The following RSU1 variants were observed in gnomAD, a reference collection of about 807,000 sequenced individuals.
The protein encoded by RSU1 is Ras suppressor protein 1.
A neutral mutation model predicts 31.1 loss-of-function variants in RSU1; 26 were observed. That is an observed-to-expected ratio of 0.84 (90% CI 0.61 to 1.16). The LOEUF is 1.16. RSU1 is among the 50% of genes most tolerant of loss of function. RSU1 has a pLI of 0.00. For missense variants in RSU1, 320 were observed against 339.1 expected (o/e 0.94, Z 0.44); for synonymous variants, 164 against 136.3 (o/e 1.20, Z -1.41).
intron 8 of RSU1, among the ~76,000 whole-genome samples, chr10:16,674,329 T>A (rs1588707534): frequency 6.6e-6 from 1 of 151,056 alleles, no homozygotes; most frequent in African/African-American, 2.4e-5. Context: ...AGTAATAATA[T>A]GAAATCTGAG....
intron 7 of RSU1, among the ~76,000 whole-genome samples, chr10:16,738,505 C>A (rs1287421501): frequency 6.6e-6 from 1 of 151,950 alleles, no homozygotes; most frequent in African/African-American, 2.4e-5. Context: ...CCTAAACAAG[C>A]TAGAAAAATC....
intron 8 of RSU1, among the ~76,000 whole-genome samples, chr10:16,692,130 A>G (rs748424643): frequency 2.0e-5 from 3 of 152,192 alleles, no homozygotes; most frequent in Non-Finnish European, 4.4e-5. Context: ...TGAAACAGAA[A>G]AAGTTAGCAG....
At chr10:16,809,850 T>C (rs769239843) in intron 2 of RSU1, among the ~76,000 whole-genome samples, 15 of 152,218 alleles carry the variant, frequency 9.9e-5, no homozygotes, top group Non-Finnish European at 5.9e-5. Context: ...GGTGAAAATA[T>C]AACTACTTCA....
At chr10:16,780,304 C>A (rs1837625382) in intron 3 of RSU1, among the ~76,000 whole-genome samples, 1 of 152,200 alleles carries the variant, frequency 6.6e-6, no homozygotes, top group Non-Finnish European at 1.5e-5. Context: ...GTCGTCCAGG[C>A]TGCAGAGCAG....
intron 8 of RSU1, among the ~76,000 whole-genome samples, chr10:16,607,420 G>C (rs1833822869): frequency 6.6e-6 from 1 of 152,194 alleles, no homozygotes; most frequent in South Asian, 2.1e-4. Flanking sequence ...TCTAAGTTCA[G>C]GCCTATAGGT....
intron 8 of RSU1, among the ~76,000 whole-genome samples, chr10:16,659,408 A>G (rs1318917256): frequency 6.6e-6 from 1 of 151,270 alleles, no homozygotes; most frequent in Non-Finnish European, 1.5e-5. Context: ...ATATACCTGG[A>G]ACCGATTTTT....
At chr10:16,659,785 T>C (rs1304814272) in intron 8 of RSU1, among the ~76,000 whole-genome samples, 1 of 152,250 alleles carries the variant, frequency 6.6e-6, no homozygotes, top group East Asian at 1.9e-4. Flanking sequence ...CAATTTGAAC[T>C]CTTTTCTTAC....
intron 2 of RSU1, among the ~76,000 whole-genome samples, chr10:16,792,426 T>A (rs1837942598): frequency 6.6e-6 from 1 of 151,952 alleles, no homozygotes; most frequent in Admixed American, 6.6e-5. Context: ...AGAGACGGGG[T>A]TTCATTACGT....
At chr10:16,607,804 G>A (rs1489024749) in intron 8 of RSU1, among the ~76,000 whole-genome samples, 1 of 152,162 alleles carries the variant, frequency 6.6e-6, no homozygotes, top group Non-Finnish European at 1.5e-5. Flanking sequence ...AAACTCTACA[G>A]GGCTTGTACC....
At chr10:16,768,397 C>T (rs1457531989) in intron 3 of RSU1, among the ~76,000 whole-genome samples, 1 of 152,200 alleles carries the variant, frequency 6.6e-6, no homozygotes, top group Non-Finnish European at 1.5e-5. Context: ...TGTAGAACTT[C>T]GCTTCTGACA....
chr10:16,774,099 TA>T (rs55846639), intron 3 of RSU1, among the ~76,000 whole-genome samples: 3,022 of 144,370 alleles, frequency 0.021, 66 homozygotes, highest in East Asian at 0.084. Flanking sequence ...GGTATTCCGT[TA>T]AAAAAAAAAA....
intron 8 of RSU1, among the ~76,000 whole-genome samples, chr10:16,614,648 A>G (rs1833945450): frequency 6.6e-6 from 1 of 152,208 alleles, no homozygotes; most frequent in African/African-American, 2.4e-5. Context: ...TGTACCCACA[A>G]AAATTAAAAA....
At chr10:16,719,933 G>A (rs1018516969) in intron 7 of RSU1, among the ~76,000 whole-genome samples, 1 of 152,204 alleles carries the variant, frequency 6.6e-6, no homozygotes, top group Non-Finnish European at 1.5e-5. Context: ...CATGCTTTAT[G>A]TATATAATCT....
chr10:16,656,458 T>C (rs1040175312), intron 8 of RSU1, among the ~76,000 whole-genome samples: 5 of 152,216 alleles, frequency 3.3e-5, no homozygotes, highest in African/African-American at 9.6e-5. Context: ...TAAGTTTTTG[T>C]TTGCTTGTTT....
intron 8 of RSU1, among the ~76,000 whole-genome samples, chr10:16,683,183 G>GTT (rs1554766315): frequency 6.6e-6 from 1 of 151,300 alleles, no homozygotes; most frequent in Non-Finnish European, 1.5e-5. Context: ...GTGTGTGTGT[G>GTT]TTGTGGTAGG....
chr10:16,677,868 C>T (rs1835261799), intron 8 of RSU1, among the ~76,000 whole-genome samples: 1 of 152,148 alleles, frequency 6.6e-6, no homozygotes, highest in Non-Finnish European at 1.5e-5. Context: ...TAAAAGATCA[C>T]ACCACTCACG....
chr10:16,716,197 A>G (rs1836136814), intron 7 of RSU1, among the ~76,000 whole-genome samples: 2 of 152,228 alleles, frequency 1.3e-5, no homozygotes, highest in African/African-American at 4.8e-5. Flanking sequence ...GGGTCTAGAT[A>G]GGGCATCAGA....
At chr10:16,688,507 G>T (rs1835479749) in intron 8 of RSU1, among the ~76,000 whole-genome samples, 1 of 152,188 alleles carries the variant, frequency 6.6e-6, no homozygotes, top group Admixed American at 6.5e-5. Context: ...CACTCGGGAG[G>T]CTGAGGCAGG....
At chr10:16,667,007 C>A (rs554834910) in intron 8 of RSU1, among the ~76,000 whole-genome samples, 14 of 150,404 alleles carry the variant, frequency 9.3e-5, no homozygotes, top group African/African-American at 2.0e-4. Flanking sequence ...TCAAAAAAAA[C>A]CAAACCAAAA....
Sources: gnomAD v4.1 joint callset for allele counts (sites outside exome capture counted in the v4.1 genomes callset) on GRCh38, gnomAD v4.1.1 for gene constraint, MANE v1.5 for transcripts, NCBI Gene and HGNC (gene_info 2026-07-23, HGNC 2026-07-21) for gene names.